Variants in ATG7 observed in about 807,000 individuals in gnomAD.
ATG7 encodes the protein autophagy related 7.
In ATG7, 70 loss-of-function variants were observed where a neutral mutation model predicts 82.4. The observed-to-expected ratio is 0.85, with a 90% CI of 0.70 to 1.04. The LOEUF is 1.04. ATG7 is among the 50% of genes least tolerant of loss of function. The pLI is 0.00. For missense variants in ATG7, 792 were observed against 864.3 expected, an observed-to-expected ratio of 0.92 and a Z score of 1.05; for synonymous variants, 287 against 313.0, an observed-to-expected ratio of 0.92 and a Z score of 0.88.
intron 19 of ATG7, among the ~76,000 whole-genome samples, chr3:11,420,127 T>C (rs1037929175): frequency 2.0e-5 from 3 of 152,254 alleles, no homozygotes; most frequent in African/African-American, 7.2e-5. Context: ...CATTTTCCTT[T>C]TTAAGAAGGC....
chr3:11,392,232 C>T (rs1229888225), intron 19 of ATG7, among the ~76,000 whole-genome samples: 10 of 152,046 alleles, frequency 6.6e-5, no homozygotes, highest in African/African-American at 2.4e-4. Context: ...GTTCATCTCC[C>T]ATTTTGGTTA....
chr3:11,362,843 T>C lies in ATG7; in HGVS notation c.1714T>C (p.Cys572Arg), dbSNP rs2076367286. 1.2e-6 allele frequency: 2 copies of C among 1,613,946 alleles called. No homozygotes were observed. The highest frequency in any genetic ancestry group is 1.1e-5 in the South Asian group (1 of 91,086). Residue 572 changes from cysteine to arginine, a missense_variant, in exon 17 of 21, where the codon TGC becomes CGC. Cys to Arg is a radical substitution (Grantham distance 180). Coordinates refer to ENST00000693202, the MANE Select transcript of ATG7 (RefSeq NM_001349232.2). Reference protein sequence around the residue: ...STRDRTLDQQCTVSRPGLAVI... With the variant: ...STRDRTLDQQRTVSRPGLAVI... ...CAGAGACCGGACCTTGGACCAGCAG[T>C]GCACTGTGAGTCGTCCAGGACTGGC...
chr3:11,571,413 G>A, the ATG7 span, among the ~76,000 whole-genome samples: 1 of 152,248 alleles, frequency 6.6e-6, no homozygotes, highest in Non-Finnish European at 1.5e-5. Flanking sequence ...GCCAGGTGCA[G>A]TGACTCACGC....
intron 20 of ATG7, among the ~76,000 whole-genome samples, chr3:11,506,564 AAAAAAAAAAAAAAAAAAAAACCC>A (rs1368821848): frequency 1.4e-5 from 1 of 69,580 alleles, no homozygotes; most frequent in African/African-American, 5.4e-5. Flanking sequence ...CAAAAAAAAA[AAAAAAAAAAAAAAAAAAAAACCC>A]AAAAATTAGC....
chr3:11,433,017 T>C (rs6442254), intron 20 of ATG7, among the ~76,000 whole-genome samples: 125,648 of 151,554 alleles, frequency 0.83, 52,267 homozygotes, highest in East Asian at 1. Flanking sequence ...TTGGGATGGG[T>C]ACAGTGGCTT....
intron 6 of ATG7, 120 bp downstream of exon 6, chr3:11,307,180 C>A: frequency 1.1e-6 from 1 of 884,542 alleles, no homozygotes; most frequent in Non-Finnish European, 1.8e-6. Flanking sequence ...CTTAAAGACA[C>A]TTGTGGGCTT....
chr3:11,525,669 C>G (rs989548962), intron 20 of ATG7, among the ~76,000 whole-genome samples: 2 of 151,668 alleles, frequency 1.3e-5, no homozygotes, highest in Non-Finnish European at 2.9e-5. Flanking sequence ...ATTCTCCTGC[C>G]TCAGCCTCCT....
At chr3:11,308,762 TG>T in intron 6 of ATG7, 1 of 580,858 alleles carries the variant, frequency 1.7e-6, no homozygotes, top group Non-Finnish European at 3.1e-6. Flanking sequence ...AGGAGGCGCC[TG>T]GGTTCCCTCA....
At chr3:11,509,842 A>G (rs945063462) in intron 20 of ATG7, among the ~76,000 whole-genome samples, 5 of 152,174 alleles carry the variant, frequency 3.3e-5, no homozygotes, top group Non-Finnish European at 7.3e-5. Context: ...GTGTTTAAAT[A>G]TCTTCCCATA....
At chr3:11,503,550 A>T (rs1050800877) in intron 20 of ATG7, among the ~76,000 whole-genome samples, 1 of 152,058 alleles carries the variant, frequency 6.6e-6, no homozygotes, top group Non-Finnish European at 1.5e-5. Context: ...CGAAGTCAGG[A>T]GGTCAAGACC....
chr3:11,450,970 G>A (rs2085062504), intron 20 of ATG7, among the ~76,000 whole-genome samples: 2 of 152,180 alleles, frequency 1.3e-5, no homozygotes, highest in East Asian at 1.9e-4. Context: ...TTCAAGATCT[G>A]TAGAGAGACC....
intron 20 of ATG7, among the ~76,000 whole-genome samples, chr3:11,468,093 C>G (rs907728868): frequency 6.6e-6 from 1 of 152,160 alleles, no homozygotes; most frequent in African/African-American, 2.4e-5. Context: ...GGTTGACAGG[C>G]AGAAGTCTGA....
intron 9 of ATG7, among the ~76,000 whole-genome samples, chr3:11,320,786 T>A (rs889654712): frequency 5.3e-5 from 8 of 152,210 alleles, no homozygotes; most frequent in Non-Finnish European, 1.0e-4. Flanking sequence ...AGATTGCTCA[T>A]GGGAAGCACC....
chr3:11,401,996 A>C (rs928571704), intron 19 of ATG7, among the ~76,000 whole-genome samples: 4 of 152,348 alleles, frequency 2.6e-5, no homozygotes, highest in African/African-American at 9.6e-5. Context: ...GTAAGTACAC[A>C]GATGTTAAGT....
chr3:11,399,334 T>G (rs1465010149), intron 19 of ATG7, among the ~76,000 whole-genome samples: 1 of 151,838 alleles, frequency 6.6e-6, no homozygotes, highest in Non-Finnish European at 1.5e-5. Flanking sequence ...GGCAAAAGAG[T>G]GAGACACTGT....
At chr3:11,363,687 T>A (rs957446067) in intron 17 of ATG7, among the ~76,000 whole-genome samples, 1 of 152,246 alleles carries the variant, frequency 6.6e-6, no homozygotes, top group African/African-American at 2.4e-5. Flanking sequence ...AGGGTTTAGC[T>A]CAACCAGTGT....
intron 19 of ATG7, among the ~76,000 whole-genome samples, chr3:11,391,118 A>G (rs1449145064): frequency 2.0e-5 from 3 of 152,174 alleles, no homozygotes; most frequent in Admixed American, 2.0e-4. Flanking sequence ...TTTCCTGAAT[A>G]TACTCATTTT....
At chr3:11,557,733 T>C (rs185271223), downstream of ATG7, 1 of 152,900 alleles carries the variant, frequency 6.5e-6, no homozygotes, top group East Asian at 1.9e-4. Flanking sequence ...TTTTTCTCCA[T>C]TAAAACATGC....
chr3:11,567,309 C>G, the ATG7 span, among the ~76,000 whole-genome samples: 2 of 152,172 alleles, frequency 1.3e-5, no homozygotes, highest in Non-Finnish European at 2.9e-5. Flanking sequence ...CAAGAGAACC[C>G]TGTCAGCCCT....
Sources: allele counts gnomAD v4.1 joint callset (sites outside exome capture counted in the v4.1 genomes callset), GRCh38; gene constraint gnomAD v4.1.1; transcripts MANE v1.5; gene names NCBI Gene and HGNC (gene_info 2026-07-23, HGNC 2026-07-21).